NINL: variants seen among roughly 807,000 people sequenced by gnomAD.
NINL encodes ninein-like protein.
A neutral mutation model predicts 160.3 loss-of-function variants in NINL; 153 were observed. That is an observed-to-expected ratio of 0.95 (90% confidence interval 0.84 to 1.09). NINL has a LOEUF of 1.09. Ranked by LOEUF, NINL falls within the 50% of genes least tolerant of loss-of-function variation. The pLI is 0.00. For missense variants in NINL, 1,829 were observed against 1,764.0 expected, an observed-to-expected ratio of 1.04 and a Z score of -0.66; for synonymous variants, 800 against 734.8, an observed-to-expected ratio of 1.09 and a Z score of -1.43.
intron 5 of NINL, among the ~76,000 whole-genome samples, chr20:25,506,930 T>A (rs1301974458): frequency 6.6e-6 from 1 of 152,206 alleles, no homozygotes; most frequent in East Asian, 1.9e-4. Flanking sequence ...GCAATGCCAC[T>A]ATCATACCTA....
At chr20:25,534,069 CCTT>C (rs2064514858) in intron 1 of NINL, among the ~76,000 whole-genome samples, 1 of 152,188 alleles carries the variant, frequency 6.6e-6, no homozygotes, top group African/African-American at 2.4e-5. Context: ...CTAAGTCTGT[CCTT>C]CTTCCTGGCC....
At chr20:25,522,697 T>C (rs2064284044) in intron 2 of NINL, among the ~76,000 whole-genome samples, 1 of 152,242 alleles carries the variant, frequency 6.6e-6, no homozygotes, top group African/African-American at 2.4e-5. Context: ...CTTTCTTCCA[T>C]CCATCAAAGA....
intron 1 of NINL, among the ~76,000 whole-genome samples, chr20:25,553,297 C>G (rs1055123165): frequency 7.9e-5 from 12 of 151,750 alleles, no homozygotes; most frequent in African/African-American, 2.9e-4. Context: ...TTCAGACATA[C>G]TGTTACAAAA....
chr20:25,542,913 G>A (rs1036741923), intron 1 of NINL, among the ~76,000 whole-genome samples: 7 of 150,636 alleles, frequency 4.6e-5, no homozygotes, highest in East Asian at 2.0e-4. Context: ...GGCACTACTC[G>A]CCTGTAATCC....
chr20:25,567,653 C>A (rs2065010773), intron 1 of NINL, among the ~76,000 whole-genome samples: 1 of 151,876 alleles, frequency 6.6e-6, no homozygotes, highest in African/African-American at 2.4e-5. Context: ...TACCATGAAG[C>A]CAAGAAAAAG....
At chr20:25,458,915 A>G (rs560371577) in intron 21 of NINL, 17 of 196,086 alleles carry the variant, frequency 8.7e-5, no homozygotes, top group African/African-American at 2.1e-4. Context: ...ACAGGGCTAC[A>G]CTGGCCACAG....
In NINL at chr20:25,478,958, C is replaced by A. The variant is rs566302169; in HGVS notation, c.2166G>T (p.Leu722=). 2 of 1,580,924 alleles carry A rather than the reference C, an allele frequency of 1.3e-6. No homozygotes were observed. Among genetic ancestry groups the A allele is most frequent in the Admixed American group, 3.5e-5 (2 of 57,578 alleles). The change falls in exon 16 of 24, where the codon CTG becomes CTT. Residue 722 remains leucine, a synonymous_variant. Coordinates refer to ENST00000278886, the MANE Select transcript of NINL (RefSeq NM_025176.6). ...GCAGGTGGCTGTGATGCCGCAGGGC[C>A]AGGCCACACAGTGCCTGGGTGCAGC... The part of the protein sequence containing the change: ...APCCTQALCG[L]ALRHHSHLQQ...
chr20:25,513,310 A>C (rs1601193816), intron 3 of NINL, among the ~76,000 whole-genome samples: 1 of 152,202 alleles, frequency 6.6e-6, no homozygotes, highest in African/African-American at 2.4e-5. Flanking sequence ...CTAATACGAA[A>C]CCTAGCTATC....
rs1363049881 is a variant in NINL, at chr20:25,543,274, G to GA, written c.-11-16677_-11-16676insT. ...GCACTTAAAAATCAGTTGCAGCCGG[G>GA]TGTGGTGACTCATGCCTGTAATCCC... On this transcript the variant is annotated intron_variant, in intron 1 of 23. Transcript: ENST00000278886. 2.0e-5 allele frequency among the ~76,000 whole-genome samples: 3 copies of GA among 152,186 alleles called. No individual in the cohort carries two copies. The East Asian group carries it at 5.8e-4, about 30-fold the overall frequency.
At chr20:25,548,173 G>T (rs2064758376) in intron 1 of NINL, among the ~76,000 whole-genome samples, 1 of 152,174 alleles carries the variant, frequency 6.6e-6, no homozygotes, top group African/African-American at 2.4e-5. Context: ...AGCTTGGTCG[G>T]GGGGGTTCTG....
chr20:25,469,636 C>T (rs1480362609), intron 18 of NINL, among the ~76,000 whole-genome samples: 1 of 152,146 alleles, frequency 6.6e-6, no homozygotes, highest in Non-Finnish European at 1.5e-5. Context: ...CTGACCCCTA[C>T]AGACACTGTT....
At chr20:25,469,952 C>A in intron 18 of NINL, 39 bp downstream of exon 18, 1 of 1,492,222 alleles carries the variant, frequency 6.7e-7, no homozygotes. Context: ...GAGGGCAAAA[C>A]GCACCCCCAG....
At chr20:25,482,835 T>C (rs2063421782) in intron 13 of NINL, among the ~76,000 whole-genome samples, 4 of 149,994 alleles carry the variant, frequency 2.7e-5, no homozygotes, top group African/African-American at 9.8e-5. Context: ...ACCAGCCTGG[T>C]CAACATGGTG....
At chr20:25,531,146 T>C (rs1479547993) in intron 1 of NINL, among the ~76,000 whole-genome samples, 1 of 152,180 alleles carries the variant, frequency 6.6e-6, no homozygotes, top group Non-Finnish European at 1.5e-5. Context: ...TTTCTCCCAT[T>C]TGCTTTTGAA....
intron 1 of NINL, among the ~76,000 whole-genome samples, chr20:25,532,961 A>G (rs2064493439): frequency 1.3e-5 from 2 of 152,120 alleles, no homozygotes; most frequent in Non-Finnish European, 2.9e-5. Flanking sequence ...CTGGCCAGGA[A>G]GGCTTAGAAA....
chr20:25,577,484 T>TC (rs2065127393), intron 1 of NINL, among the ~76,000 whole-genome samples: 1 of 152,244 alleles, frequency 6.6e-6, no homozygotes, highest in Non-Finnish European at 1.5e-5. Context: ...CAAGGAGCTC[T>TC]CCCTGGGGTT....
intron 1 of NINL, among the ~76,000 whole-genome samples, chr20:25,573,602 T>G (rs2065079984): frequency 6.6e-6 from 1 of 152,200 alleles, no homozygotes; most frequent in Admixed American, 6.5e-5. Context: ...AAAAGAGGAT[T>G]CAGAATTGCC....
rs548518580 is a variant in NINL, at chr20:25,478,713, C to T, written c.2201+210G>A. 1.7e-3 allele frequency: 943 copies of T among 540,144 alleles called. 28 individuals carry two copies. In the South Asian group the frequency reaches 0.032, roughly 18 times the overall value. 33.5% of individuals were successfully genotyped at this position (540,144 alleles called of 1,614,324 possible). A position where few individuals can be genotyped will look rare whatever the true frequency, so the allele number is the denominator to read the frequency against. On this transcript the variant is annotated intron_variant, in intron 16 of 23. Transcript: ENST00000278886. The stretch of plus-strand genomic sequence containing the variant: ...TGGGCTGTTTCTACACAGTGAACAG[C>T]TTCATGGCCCATGATCCAATGTATA...
chr20:25,534,288 T>C (rs1032633292), intron 1 of NINL, among the ~76,000 whole-genome samples: 11 of 152,192 alleles, frequency 7.2e-5, no homozygotes, highest in African/African-American at 2.7e-4. Flanking sequence ...AATGTATTTT[T>C]CTCCTTTCTC....
Sources: gnomAD v4.1 joint callset for allele counts (sites outside exome capture counted in the v4.1 genomes callset) on GRCh38, gnomAD v4.1.1 for gene constraint, MANE v1.5 for transcripts, NCBI Gene and HGNC (gene_info 2026-07-23, HGNC 2026-07-21) for gene names.